Variants in TCF7L1 observed in about 807,000 individuals in gnomAD.
TCF7L1 encodes the protein transcription factor 7-like 1.
In TCF7L1, 18 loss-of-function variants were observed where a neutral mutation model predicts 63.7. The ratio of observed to expected loss-of-function variants is 0.28; its 90% CI spans 0.20 to 0.42. The LOEUF (loss-of-function observed/expected upper bound fraction) is 0.42, where lower values mean the gene tolerates loss of function less well. Ranked by LOEUF, TCF7L1 falls within the 10% of genes least tolerant of loss-of-function variation. The probability of loss-of-function intolerance (pLI) is 1.00; values close to 1 mark genes in which losing one functional copy is unlikely to be tolerated. For synonymous variants in TCF7L1, 355 were observed against 340.9 expected, an observed-to-expected ratio of 1.04 and a Z score of -0.46; for missense variants, 654 against 779.3, an observed-to-expected ratio of 0.84 and a Z score of 1.91.
intron 3 of TCF7L1, among the ~76,000 whole-genome samples, chr2:85,255,225 C>T (rs1244815223): frequency 6.6e-6 from 1 of 152,136 alleles, no homozygotes; most frequent in African/African-American, 2.4e-5. Flanking sequence ...TTGTTCACTT[C>T]CAGGGCCTCT....
intron 3 of TCF7L1, among the ~76,000 whole-genome samples, chr2:85,277,091 A>G (rs1271766426): frequency 6.6e-6 from 1 of 151,978 alleles, no homozygotes; most frequent in East Asian, 1.9e-4. Flanking sequence ...TGGAAGCCAG[A>G]AGGATAGGGT....
chr2:85,284,150 ACAGG>A, intron 4 of TCF7L1, among the ~76,000 whole-genome samples: 1 of 152,314 alleles, frequency 6.6e-6, no homozygotes, highest in East Asian at 1.9e-4. Context: ...AGCTGGGACT[ACAGG>A]CATGTGCCAC....
chr2:85,253,844 A>G (rs1351855160), intron 3 of TCF7L1, among the ~76,000 whole-genome samples: 1 of 152,268 alleles, frequency 6.6e-6, no homozygotes, highest in African/African-American at 2.4e-5. Flanking sequence ...GCTGAGGCTC[A>G]GAAAGATTAA....
At position 85,284,671 on chromosome 2, in the gene TCF7L1, C is replaced by T. The variant is rs530887953; in HGVS notation, c.525+1093C>T. On this transcript the variant is annotated intron_variant, in intron 4 of 11. Coordinates refer to ENST00000282111, the MANE Select transcript of TCF7L1 (RefSeq NM_031283.3). ...CAGTGAGCCTCAGAATCAGGGAATG[C>T]GGTTAGAAGGGACCCTCATCCTGCA... 1.4e-4 allele frequency among the ~76,000 whole-genome samples: 21 copies of T among 152,274 alleles called. No individual in the cohort carries two copies. In the South Asian group the frequency reaches 3.7e-3, roughly 27 times the overall value.
intron 3 of TCF7L1, among the ~76,000 whole-genome samples, chr2:85,256,266 T>A (rs879278144): frequency 3.3e-5 from 5 of 151,504 alleles, no homozygotes; most frequent in Admixed American, 3.3e-4. Context: ...CTGCTCTTTG[T>A]GTTCTCTGCA....
chr2:85,261,001 C>A (rs1680845198), intron 3 of TCF7L1, among the ~76,000 whole-genome samples: 1 of 152,156 alleles, frequency 6.6e-6, no homozygotes, highest in African/African-American at 2.4e-5. Context: ...CTGTGAGATC[C>A]TACCTGCCAA....
At chr2:85,187,193 T>G (rs906292152) in intron 3 of TCF7L1, 1 of 152,172 alleles carries the variant, frequency 6.6e-6, no homozygotes, top group African/African-American at 2.4e-5. Context: ...TAGATCCTCC[T>G]CTCAGCTGTC....
In TCF7L1 at chr2:85,283,068, C is replaced by T. The variant is rs914618514; in HGVS notation, c.442-427C>T. Among the ~76,000 whole-genome samples the T allele has an allele frequency of 7.9e-5, 12 of 152,022 alleles. No individual in the cohort carries two copies. In the East Asian group the frequency reaches 9.7e-4, roughly 12 times the overall value. ...CGTAGGGAGCATTGTGTGTGGATGT[C>T]GTAAGTGATGGAAATGGATGGGGCA... On this transcript the variant is annotated intron_variant, in intron 3 of 11. Transcript: ENST00000282111.
intron 3 of TCF7L1, among the ~76,000 whole-genome samples, chr2:85,239,199 C>T (rs1680266187): frequency 6.6e-6 from 1 of 152,292 alleles, no homozygotes; most frequent in East Asian, 1.9e-4. Flanking sequence ...CCACTTCCCT[C>T]ACTGGACCAG....
chr2:85,224,015 C>T (rs1247918277), intron 3 of TCF7L1, among the ~76,000 whole-genome samples: 1 of 152,194 alleles, frequency 6.6e-6, no homozygotes, highest in Non-Finnish European at 1.5e-5. Flanking sequence ...TCAACTCCCA[C>T]CTATGAGTGA....
chr2:85,260,179 G>A (rs1031455642), intron 3 of TCF7L1, among the ~76,000 whole-genome samples: 4 of 152,212 alleles, frequency 2.6e-5, no homozygotes, highest in African/African-American at 9.7e-5. Flanking sequence ...ACATCAGCAA[G>A]AAGAAATGAT....
At chr2:85,142,571 C>T (rs951074961) in intron 3 of TCF7L1, among the ~76,000 whole-genome samples, 1 of 151,366 alleles carries the variant, frequency 6.6e-6, no homozygotes, top group Non-Finnish European at 1.5e-5. Context: ...TGATAAGTAA[C>T]TGGGGATGGG....
intron 3 of TCF7L1, among the ~76,000 whole-genome samples, chr2:85,276,998 G>C (rs1681288043): frequency 6.6e-6 from 1 of 152,202 alleles, no homozygotes. Context: ...AAAGGCCGTA[G>C]CAGGCCGGGG....
At chr2:85,141,345 G>T (rs879635202) in intron 3 of TCF7L1, among the ~76,000 whole-genome samples, 2 of 152,164 alleles carry the variant, frequency 1.3e-5, no homozygotes, top group Non-Finnish European at 2.9e-5. Context: ...GGTGTTAAAG[G>T]TAGAGAGAAG....
intron 3 of TCF7L1, among the ~76,000 whole-genome samples, chr2:85,199,028 A>G (rs1679218121): frequency 6.6e-6 from 1 of 152,174 alleles, no homozygotes; most frequent in Non-Finnish European, 1.5e-5. Flanking sequence ...ATCAAATCTG[A>G]AGGTGGACTT....
At chr2:85,181,102 C>A (rs769195514) in intron 3 of TCF7L1, among the ~76,000 whole-genome samples, 8 of 152,180 alleles carry the variant, frequency 5.3e-5, no homozygotes, top group Non-Finnish European at 8.8e-5. Context: ...TGCCCTGTGA[C>A]CCCTCCTGAG....
chr2:85,196,627 C>T (rs1361067349), intron 3 of TCF7L1, among the ~76,000 whole-genome samples: 1 of 152,068 alleles, frequency 6.6e-6, no homozygotes, highest in African/African-American at 2.4e-5. Context: ...ACCTTGACCT[C>T]CTAAAGTGCT....
rs7601117 is a variant in TCF7L1, at chr2:85,283,302, G to A, written c.442-193G>A. Among the ~76,000 whole-genome samples the A allele has an allele frequency of 0.29, 44,388 of 151,042 alleles. 7,607 individuals are homozygous for A. The highest frequency in any genetic ancestry group is 0.4 in the Non-Finnish European group (26,824 of 67,878). On this transcript the variant is annotated intron_variant, in intron 3 of 11. Transcript: ENST00000282111. ...AAATGACATAGGGCGTGGTGAGGCTGGTAGTGATTGTAAATATATGCTCGC... is the reference window on the plus strand; with the variant it reads ...AAATGACATAGGGCGTGGTGAGGCTAGTAGTGATTGTAAATATATGCTCGC...
chr2:85,236,851 T>G (rs1340907609), intron 3 of TCF7L1, among the ~76,000 whole-genome samples: 2 of 152,192 alleles, frequency 1.3e-5, no homozygotes, highest in African/African-American at 4.8e-5. Context: ...AAGGAGGGAC[T>G]GCAGGGTCAT....
Sources: gnomAD v4.1 joint callset for allele counts (sites outside exome capture counted in the v4.1 genomes callset) on GRCh38, gnomAD v4.1.1 for gene constraint, MANE v1.5 for transcripts, NCBI Gene and HGNC (gene_info 2026-07-23, HGNC 2026-07-21) for gene names.